Variants in TTC39C observed in about 807,000 individuals in gnomAD.
TTC39C encodes the protein tetratricopeptide repeat domain 39C.
In TTC39C, 33 loss-of-function variants were observed where a neutral mutation model predicts 76.3. That is an observed-to-expected ratio of 0.43 (90% confidence interval 0.33 to 0.58). The LOEUF (loss-of-function observed/expected upper bound fraction) is 0.58. Ranked by LOEUF, TTC39C falls within the 20% of genes least tolerant of loss-of-function variation. TTC39C has a pLI of 0.04. For synonymous variants in TTC39C, 254 were observed against 260.6 expected, an observed-to-expected ratio of 0.97 and a Z score of 0.24; for missense variants, 595 against 701.4, an observed-to-expected ratio of 0.85 and a Z score of 1.71.
chr18:24,109,355 C>G (rs1269169669), intron 6 of TTC39C, among the ~76,000 whole-genome samples: 2 of 150,644 alleles, frequency 1.3e-5, no homozygotes, highest in South Asian at 4.2e-4. Context: ...AATAATTAAA[C>G]TTAAACATTA....
intron 1 of TTC39C, among the ~76,000 whole-genome samples, chr18:24,023,390 T>C (rs2083539423): frequency 6.6e-6 from 1 of 152,170 alleles, no homozygotes; most frequent in Non-Finnish European, 1.5e-5. Context: ...CATGCAGGTC[T>C]CAACAGTGCC....
chr18:24,066,082 T>C lies in TTC39C; in HGVS notation c.287T>C (p.Leu96Pro). 6.3e-7 allele frequency: 1 copy of C among 1,597,828 alleles called. No individual in the cohort carries two copies. Among genetic ancestry groups the C allele is most frequent in the Non-Finnish European group, 8.5e-7 (1 of 1,176,228 alleles). Residue 96 changes from leucine (L) to proline (P), a missense_variant, in exon 3 of 14, where the codon CTG becomes CCG. By Grantham distance (98) the Leu-to-Pro change is moderately conservative. Transcript: ENST00000317571. ...ACDDLKTTEK[L>P]CESEEAGVIE... ...GATGACTTAAAAACCACAGAAAAAC[T>C]GTGTGAAAGTGAAGAGGCTGGAGTA...
intron 1 of TTC39C, among the ~76,000 whole-genome samples, chr18:24,025,380 C>T (rs532463459): frequency 6.6e-6 from 1 of 152,280 alleles, no homozygotes; most frequent in South Asian, 2.1e-4. Context: ...TATACAAATG[C>T]AAACTGGTTT....
At chr18:24,022,098 A>G (rs2083523906) in intron 1 of TTC39C, among the ~76,000 whole-genome samples, 1 of 152,180 alleles carries the variant, frequency 6.6e-6, no homozygotes, top group African/African-American at 2.4e-5. Context: ...ATGTAAACAC[A>G]TAATGATTTC....
intron 1 of TTC39C, among the ~76,000 whole-genome samples, chr18:24,036,436 G>A (rs981375965): frequency 2.0e-5 from 3 of 151,966 alleles, no homozygotes; most frequent in Admixed American, 1.3e-4. Flanking sequence ...CTTTCACCTC[G>A]CTGGTTAAGT....
intron 1 of TTC39C, among the ~76,000 whole-genome samples, chr18:24,023,443 T>C (rs1232427099): frequency 1.3e-5 from 2 of 152,152 alleles, no homozygotes; most frequent in African/African-American, 4.8e-5. Context: ...AGTCTCCTGC[T>C]TCCAAAGAGG....
In TTC39C at chr18:24,005,680, TA is replaced by T. The variant is rs541191475; in HGVS notation, c.-17+12657del. Among the ~76,000 whole-genome samples, 1,341 of 135,010 alleles carry T rather than the reference TA, an allele frequency of 9.9e-3. 6 individuals carry two copies. Among genetic ancestry groups the T allele is most frequent in the African/African-American group, 0.023 (839 of 36,698 alleles). 88.6% of individuals were successfully genotyped at this position (135,010 alleles called of 152,430 possible). On this transcript the variant is annotated intron_variant, in intron 1 of 13. Transcript: ENST00000304621. ...GGGCAACAAAGCGAGACCCTGTCTC[TA>T]AAAAAAAAAAAAAATTAAAAATAAA...
intron 1 of TTC39C, among the ~76,000 whole-genome samples, chr18:24,045,892 A>AAAAAAAAAAAAAAAT (rs1435790388): frequency 1.6e-5 from 1 of 61,230 alleles, no homozygotes; most frequent in African/African-American, 8.9e-5. Flanking sequence ...CTTCTGTGAA[A>AAAAAAAAAAAAAAAT]ATATATATAT....
Position 24,134,286 on chromosome 18 carries a change from T to G in TTC39C, c.*1712T>G, listed in dbSNP as rs1196194860. On this transcript the variant is annotated 3_prime_UTR_variant, in exon 14 of 14. Coordinates refer to ENST00000317571, the MANE Select transcript of TTC39C (RefSeq NM_001135993.2). ...TTTGTTTTTTTTTTTTTTTTTTTTT[T>G]TTTTTGAGACGGAGTCTCGCTCTGT... 2.2e-5 allele frequency: 3 copies of G among 137,310 alleles called. 1 individual carries two copies. The highest frequency in any genetic ancestry group is 3.1e-5 in the Non-Finnish European group (2 of 65,324). 8.5% of individuals were successfully genotyped at this position (137,310 alleles called of 1,614,324 possible). A position where few individuals can be genotyped will look rare whatever the true frequency, so the allele number is the denominator to read the frequency against.
In TTC39C at chr18:24,069,157, G is replaced by T. The variant is rs1213950364; in HGVS notation, c.346G>T (p.Val116Phe). ...ETIKNKIKKN[V>F]DVRKSAPSMV... ...TGTGGACATTCTTTCTGCCAAACAGGTTGATGTCCGAAAATCCGCCCCCTC... is the reference window on the plus strand; with the variant it reads ...TGTGGACATTCTTTCTGCCAAACAGTTTGATGTCCGAAAATCCGCCCCCTC... The change falls in exon 4 of 14, where the codon GTT (valine) becomes TTT (phenylalanine). Residue 116 changes from valine to phenylalanine, a missense_variant and splice_region_variant. Val to Phe is a conservative substitution (Grantham distance 50). Coordinates refer to ENST00000317571, the MANE Select transcript of TTC39C (RefSeq NM_001135993.2). 3.1e-6 allele frequency: 5 copies of T among 1,612,810 alleles called. No individual in the cohort carries two copies. The African/African-American group carries it at 5.3e-5, about 17-fold the overall frequency.
intron 3 of TTC39C, 129 bp from the exon 4 acceptor site, chr18:24,069,028 G>A (rs778633297): frequency 5.3e-5 from 36 of 681,962 alleles, no homozygotes; most frequent in Non-Finnish European, 8.4e-5. Context: ...ATAAATTTGG[G>A]CTTGGCTTTG....
chr18:24,061,239 T>TTAA (rs775373842), intron 1 of TTC39C, among the ~76,000 whole-genome samples: 6 of 150,386 alleles, frequency 4.0e-5, no homozygotes, highest in African/African-American at 1.5e-4. Flanking sequence ...TTTTTTTTTT[T>TTAA]AAAAAAATAG....
At chr18:24,000,912 A>T (rs1209409132) in intron 1 of TTC39C, among the ~76,000 whole-genome samples, 1 of 152,100 alleles carries the variant, frequency 6.6e-6, no homozygotes, top group Admixed American at 6.5e-5. Flanking sequence ...TAATAACGAA[A>T]CCAAAGCTGA....
rs192420511 is a variant in TTC39C, at chr18:24,046,185, G to C, written c.168-17955G>C. Among the ~76,000 whole-genome samples the C allele has an allele frequency of 2.0e-4, 31 of 151,870 alleles. No individual in the cohort carries two copies. The East Asian group carries it at 5.8e-3, about 28-fold the overall frequency. On this transcript the variant is annotated intron_variant, in intron 1 of 13. Coordinates refer to ENST00000317571, the MANE Select transcript of TTC39C (RefSeq NM_001135993.2). ...GATCTCCTGACCTCGTGATCCACCTGCCTTGGCCTCCCAAAGTGCTGGGAT... is the reference window on the plus strand; with the variant it reads ...GATCTCCTGACCTCGTGATCCACCTCCCTTGGCCTCCCAAAGTGCTGGGAT...
intron 8 of TTC39C, among the ~76,000 whole-genome samples, chr18:24,118,602 T>C (rs143646078): frequency 2.6e-4 from 40 of 152,256 alleles, no homozygotes; most frequent in Admixed American, 7.2e-4. Context: ...ATGTTTTTTA[T>C]TGGGATTCTG....
intron 6 of TTC39C, 72 bp from the exon 7 acceptor site, chr18:24,114,482 C>A (rs1210536062): frequency 1.7e-6 from 2 of 1,161,620 alleles, no homozygotes; most frequent in African/African-American, 1.5e-5. Flanking sequence ...GAAAAAGATG[C>A]TTTTGAATTA....
At chr18:24,102,589 G>A (rs976516833) in intron 6 of TTC39C, among the ~76,000 whole-genome samples, 1 of 152,274 alleles carries the variant, frequency 6.6e-6, no homozygotes, top group East Asian at 1.9e-4. Context: ...GCTGTGGGGC[G>A]GGGAGGTCCA....
intron 1 of TTC39C, among the ~76,000 whole-genome samples, chr18:24,031,029 C>T (rs1374347510): frequency 6.6e-6 from 1 of 151,970 alleles, no homozygotes; most frequent in African/African-American, 2.4e-5. Context: ...AACTTGCAGC[C>T]TCCAATTCCT....
intron 6 of TTC39C, among the ~76,000 whole-genome samples, chr18:24,099,720 A>C (rs2084653561): frequency 6.6e-6 from 1 of 152,102 alleles, no homozygotes. Flanking sequence ...TTAAACTGCC[A>C]TTAAACATTG....
Sources: gnomAD v4.1 joint callset for allele counts (sites outside exome capture counted in the v4.1 genomes callset) on GRCh38, gnomAD v4.1.1 for gene constraint, MANE v1.5 for transcripts, NCBI Gene and HGNC (gene_info 2026-07-23, HGNC 2026-07-21) for gene names.